NOTCH3: variants seen among roughly 807,000 people sequenced by gnomAD.
NOTCH3 encodes the protein neurogenic locus notch homolog protein 3.
In NOTCH3, 86 loss-of-function variants were observed where a neutral mutation model predicts 213.3. The ratio of observed to expected loss-of-function variants is 0.40; its 90% CI spans 0.34 to 0.48. The LOEUF (loss-of-function observed/expected upper bound fraction) is 0.48. Among genes scored for constraint, NOTCH3 ranks in the 20% least tolerant of loss-of-function variants. The pLI is 0.57. For synonymous variants in NOTCH3, 1,354 were observed against 1,355.9 expected (o/e 1.00, Z 0.03); for missense variants, 2,783 against 3,272.6 (o/e 0.85, Z 3.65).
chr19:15,169,557 G>A (rs1027848351), intron 28 of NOTCH3, among the ~76,000 whole-genome samples: 2 of 152,160 alleles, frequency 1.3e-5, no homozygotes, highest in Non-Finnish European at 2.9e-5. Context: ...TTTTAGTACA[G>A]ACGGGGTTTC....
intron 1 of NOTCH3, 52 bp from the exon 2 acceptor site, chr19:15,197,630 A>T: frequency 6.4e-7 from 1 of 1,550,890 alleles, no homozygotes; most frequent in Non-Finnish European, 8.8e-7. Context: ...CAGGAACCCC[A>T]GGCCCAAGTG....
intron 1 of NOTCH3, among the ~76,000 whole-genome samples, chr19:15,199,083 C>T (rs1317256764): frequency 6.6e-6 from 1 of 152,212 alleles, no homozygotes; most frequent in Admixed American, 6.5e-5. Flanking sequence ...CGTGAACTCA[C>T]ACTGTGGGTC....
rs2046869032 is a variant in NOTCH3 at position 15,184,970 on chromosome 19, A to C, written c.2346T>G (p.His782Gln). Residue 782 changes from histidine (H) to glutamine (Q), a missense_variant, in exon 15 of 33, where the codon CAT becomes CAG. Transcript: ENST00000263388. ...LSPCTPNPCE[H>Q]GGRCESAPGQ... ...CAGGGGCAGACTCGCAGCGGCCCCC[A>C]TGCTCACAGGGGTTCGGGGTGCAGG... The C allele has an allele frequency of 1.3e-6, 2 of 1,547,050 alleles. No homozygotes were observed. Among genetic ancestry groups the C allele is most frequent in the African/African-American group, 1.4e-5 (1 of 72,942 alleles).
intron 25 of NOTCH3, 42 bp from the exon 26 acceptor site, chr19:15,170,867 C>A (rs1235611913): frequency 1.9e-6 from 3 of 1,603,038 alleles, no homozygotes; most frequent in Non-Finnish European, 1.7e-6. Flanking sequence ...TCAAAAATTG[C>A]CCGATGCACC....
rs767905805 is a variant in NOTCH3 at position 15,191,481 on chromosome 19, C to T, written c.979G>A (p.Ala327Thr). The T allele has an allele frequency of 2.5e-6, 4 of 1,613,248 alleles. No homozygotes were observed. Residue 327 changes from alanine (A) to threonine (T), a missense_variant, in exon 6 of 33, where the codon GCC becomes ACC. Around this residue, in one of 6 missense-constraint regions of NOTCH3, gnomAD observed 708 missense variants for 906.6 expected, o/e 0.78. Coordinates refer to ENST00000263388, the MANE Select transcript of NOTCH3 (RefSeq NM_000435.3). ...DCATAVCFHG[A>T]TCHDRVASFY... ...GAAGCCACGCGGTCATGGCAGGTGG[C>T]CCCATGGAAGCACACGGCTGTGGCA...
chr19:15,177,708 C>CTGT lies in NOTCH3; in HGVS notation c.4217_4219dup (p.Asn1406dup). The stretch of plus-strand genomic sequence containing the variant: ...GCCGCCGTCCCAGCCGCAGCCTGGG[C>CTGT]TGTTGCACTCGCGGTCGCAGCGCTG... On this transcript the variant is annotated inframe_insertion, in exon 24 of 33. Transcript: ENST00000263388. The CTGT allele has an allele frequency of 6.5e-7, 1 of 1,536,116 alleles. No homozygotes were observed. The highest frequency in any genetic ancestry group is 8.7e-7 in the Non-Finnish European group (1 of 1,148,098).
chr19:15,184,472 A>G (rs1170468740), intron 15 of NOTCH3, 22 bp from the exon 16 acceptor site: 1 of 1,613,024 alleles, frequency 6.2e-7, no homozygotes. Flanking sequence ...GAGCAAGGTT[A>G]CACCTAGGGT....
chr19:15,180,576 G>A (rs1024136309), intron 19 of NOTCH3, 105 bp downstream of exon 19: 23 of 1,340,564 alleles, frequency 1.7e-5, no homozygotes, highest in Non-Finnish European at 2.4e-5. Flanking sequence ...ACCCCATCAT[G>A]CCCCATAGGC....
At chr19:15,197,441 G>GGGGGGGCGC in intron 2 of NOTCH3, 59 bp downstream of exon 2, 1 of 768,364 alleles carries the variant, frequency 1.3e-6, no homozygotes, top group Non-Finnish European at 2.3e-6. Flanking sequence ...AAGACAAATC[G>GGGGGGGCGC]CCCCTCCCCC....
rs145095999 is a variant in NOTCH3 at position 15,160,199 on chromosome 19, C to G, written c.*463G>C. The G allele has an allele frequency of 8.3e-6, 2 of 240,352 alleles. No homozygotes were observed. The highest frequency in any genetic ancestry group is 1.6e-5 in the Non-Finnish European group (2 of 123,522). 14.9% of individuals were successfully genotyped at this position (240,352 alleles called of 1,614,324 possible). On this transcript the variant is annotated 3_prime_UTR_variant, in exon 33 of 33. Coordinates refer to ENST00000263388, the MANE Select transcript of NOTCH3 (RefSeq NM_000435.3). ...GAATGGGCCCACAGACTCAGCCCCA[C>G]GGGGGCACTGGGGGGTTCACAGGGG... is the stretch of plus-strand genomic sequence containing the variant.
chr19:15,174,073 C>T lies in NOTCH3; in HGVS notation c.4731G>A (p.Val1577=), dbSNP rs752065566. 6.4e-7 allele frequency: 1 copy of T among 1,568,574 alleles called. No individual in the cohort carries two copies. Among genetic ancestry groups the T allele is most frequent in the South Asian group, 1.2e-5 (1 of 86,270 alleles). Residue 1577 remains valine, a synonymous_variant, in exon 25 of 33, where the codon GTG becomes GTA. Coordinates refer to ENST00000263388, the MANE Select transcript of NOTCH3 (RefSeq NM_000435.3). ...TTCCAGGTGGGGTCACTCACCCGAT[C>T]ACCTCGGGGGCCAGCTCCCGACGGG... The part of the protein sequence containing the change: ...PRARRELAPE[V]IGSVVMLEID...
rs377208162 is a variant in NOTCH3, at chr19:15,181,821, G to A, written c.2567-20C>T. On this transcript the variant is annotated intron_variant, in intron 16 of 32. Coordinates refer to ENST00000263388, the MANE Select transcript of NOTCH3 (RefSeq NM_000435.3). ...ATGGGTCTGCGGACAGGAGGAAGGCGGTCTGGTCACCTACCTTGCCCCCAT... is the reference window on the plus strand; with the variant it reads ...ATGGGTCTGCGGACAGGAGGAAGGCAGTCTGGTCACCTACCTTGCCCCCAT... 5.1e-5 allele frequency: 79 copies of A among 1,545,400 alleles called. No homozygotes were observed. Among genetic ancestry groups the A allele is most frequent in the Admixed American group, 2.5e-4 (13 of 51,042 alleles).
rs2046620239 is a variant in NOTCH3, at chr19:15,159,174, CAATGG to C, written c.*1483_*1487del. 1 of 152,184 alleles carries C rather than the reference CAATGG, an allele frequency of 6.6e-6. No homozygotes were observed. Among genetic ancestry groups the C allele is most frequent in the Non-Finnish European group, 1.5e-5 (1 of 68,042 alleles). 9.4% of individuals were successfully genotyped at this position (152,184 alleles called of 1,614,324 possible). On this transcript the variant is annotated 3_prime_UTR_variant, in exon 33 of 33. Transcript: ENST00000263388. ...GCAATTAATAAATACCTGTTGATCT[CAATGG>C]AATGAACACTCAATTAACTGGAATT...
Position 15,165,897 on chromosome 19 carries a change from C to T in NOTCH3, c.5557G>A (p.Asp1853Asn), listed in dbSNP as rs2046681619. 2 of 1,614,132 alleles carry T rather than the reference C, an allele frequency of 1.2e-6. No homozygotes were observed. The highest frequency in any genetic ancestry group is 1.7e-6 in the Non-Finnish European group (2 of 1,180,014). ...GCATCCAGCAGCCGCTTGGCTGCAT[C>T]AGCACGGGCATAACGGGCAGCCAGG... ...LHLAARYARADAAKRLLDAGA... is the reference protein window; with the variant it reads ...LHLAARYARANAAKRLLDAGA... Residue 1853 changes from aspartate (D) to asparagine (N), a missense_variant, in exon 30 of 33, where the codon GAT becomes AAT. Transcript: ENST00000263388. This position sits in a 1 kb window ranked among gnomAD's most constrained non-coding sequence, Gnocchi z 4.7.
chr19:15,175,533 T>TAAAAA (rs34762214), intron 24 of NOTCH3, among the ~76,000 whole-genome samples: 6 of 44,210 alleles, frequency 1.4e-4, no homozygotes, highest in South Asian at 1.1e-3. Flanking sequence ...AAATCCTGTC[T>TAAAAA]AAAAAAAAAA....
Position 15,185,666 on chromosome 19 carries a change from G to C in NOTCH3, c.1965C>G (p.Asn655Lys), listed in dbSNP as rs770647535. The change falls in exon 13 of 33, where the codon AAC becomes AAG. Residue 655 changes from asparagine to lysine, a missense_variant. Physicochemically the swap from Asn to Lys is moderately conservative, Grantham distance 94. This residue lies in a region of NOTCH3 where 861 missense variants were observed against 909.1 expected (regional missense o/e 0.95). Transcript: ENST00000263388. The surrounding 1 kb of genome is among the most constrained non-coding windows in gnomAD (Gnocchi z 4.2). ...TGGAAGCACACTCATTGATCTCCAC[G>C]TTACAAAGGGGCCCTGGGGAGTACA... ...CQPGFTGPLC[N>K]VEINECASSP... 6.2e-7 allele frequency: 1 copy of C among 1,613,284 alleles called. No individual in the cohort carries two copies.
At chr19:15,181,194 G>A (rs776406844) in intron 17 of NOTCH3, 32 bp from the exon 18 acceptor site, 19 of 1,582,644 alleles carry the variant, frequency 1.2e-5, no homozygotes, top group Non-Finnish European at 1.6e-5. Flanking sequence ...GGAGGATCAG[G>A]CTCCGCCCCC....
At position 15,161,390 on chromosome 19, in the gene NOTCH3, GC is replaced by G; in HGVS notation, c.6237del (p.Arg2080GlyfsTer5). ...KAGLGPQGPRGRGKKLTLACP... is the reference protein window; with the variant it reads ...KAGLGPQGPRXRGKKLTLACP... ...CAGGCCAGCGTCAGCTTCTTGCCCC[GC>G]CCCCGGGGCCCCTGCGGCCCCAGCC... On this transcript the variant is annotated frameshift_variant, in exon 33 of 33. Coordinates refer to ENST00000263388, the MANE Select transcript of NOTCH3 (RefSeq NM_000435.3). LOFTEE classifies it low-confidence loss of function (END_TRUNC). 1 of 1,520,632 alleles carries G rather than the reference GC, an allele frequency of 6.6e-7. No homozygotes were observed. The highest frequency in any genetic ancestry group is 8.8e-7 in the Non-Finnish European group (1 of 1,135,366). The allele number at this position is 1,520,632 out of a possible 1,614,324, so 94.2% of individuals were successfully genotyped here. A position where few individuals can be genotyped will look rare whatever the true frequency, so the allele number is the denominator to read the frequency against.
At chr19:15,162,138 C>T (rs1467985916) in intron 32 of NOTCH3, among the ~76,000 whole-genome samples, 5 of 151,574 alleles carry the variant, frequency 3.3e-5, no homozygotes, top group African/African-American at 7.3e-5. Context: ...TGCACCACTA[C>T]GCCCAGCTAA....
Sources: gnomAD v4.1 joint callset for allele counts (sites outside exome capture counted in the v4.1 genomes callset) on GRCh38, gnomAD v4.1.1 for gene constraint, gnomAD v4.1.1 regional missense constraint, Gnocchi (gnomAD v3.1) non-coding constraint, MANE v1.5 for transcripts, NCBI Gene and HGNC (gene_info 2026-07-23, HGNC 2026-07-21) for gene names.